POLDIP2: variants seen among roughly 807,000 people sequenced by gnomAD.
The protein encoded by POLDIP2 is DNA polymerase delta interacting protein 2.
Under a neutral mutation model 52.9 loss-of-function variants are expected in POLDIP2, and 32 were observed. That is an observed-to-expected ratio of 0.61 (90% CI 0.46 to 0.81). The LOEUF (loss-of-function observed/expected upper bound fraction) is 0.81. Ranked by LOEUF, POLDIP2 falls within the 40% of genes least tolerant of loss-of-function variation. The pLI is 0.00. For missense variants in POLDIP2, 371 were observed against 477.3 expected (o/e 0.78, Z 2.07); for synonymous variants, 183 against 183.0 (o/e 1.00, Z 0.00).
intron 2 of POLDIP2, among the ~76,000 whole-genome samples, chr17:28,355,143 T>G (rs933873031): frequency 3.3e-5 from 5 of 152,210 alleles, no homozygotes; most frequent in African/African-American, 1.2e-4. Context: ...TATACTTTTC[T>G]GAAAGCTCCC....
In POLDIP2 at chr17:28,350,777, G is replaced by A; in HGVS notation, c.775C>T (p.His259Tyr). ...YMGMREAQNS[H>Y]VYWWRYCIRL... ...ACAGTGACACTCACCCAGTACACGT[G>A]GGAATTCTGGGCTTCCTAGGGAGAA... Residue 259 changes from histidine (H) to tyrosine (Y), a missense_variant, in exon 8 of 11, where the codon CAC becomes TAC. Coordinates refer to ENST00000540200, the MANE Select transcript of POLDIP2 (RefSeq NM_015584.5). 6.3e-7 allele frequency: 1 copy of A among 1,594,062 alleles called. No individual in the cohort carries two copies.
chr17:28,353,821 AC>A, intron 3 of POLDIP2, 30 bp from the exon 4 acceptor site: 1 of 1,435,990 alleles, frequency 7.0e-7, no homozygotes, highest in Non-Finnish European at 9.8e-7. Context: ...GGCCAAGATC[AC>A]CCCAGGAGAA....
At chr17:28,351,051 A>G (rs199635094) in intron 7 of POLDIP2, among the ~76,000 whole-genome samples, 3 of 152,202 alleles carry the variant, frequency 2.0e-5, no homozygotes, top group East Asian at 1.9e-4. Flanking sequence ...GAAATCAGTT[A>G]CAGGGCTCTT....
intron 1 of POLDIP2, among the ~76,000 whole-genome samples, chr17:28,356,452 T>C (rs1402620035): frequency 6.6e-6 from 1 of 152,156 alleles, no homozygotes; most frequent in African/African-American, 2.4e-5. Context: ...TGTATTATAA[T>C]TCCATGTCCA....
chr17:28,353,713 A>G lies in POLDIP2; in HGVS notation c.420T>C (p.Ala140=), dbSNP rs564958680. 1,541 of 1,612,236 alleles carry G rather than the reference A, an allele frequency of 9.6e-4. 18 individuals are homozygous for G. The South Asian group carries it at 0.015, about 16-fold the overall frequency. The change falls in exon 4 of 11, where the codon GCT becomes GCC. Residue 140 remains alanine (A), a synonymous_variant. Transcript: ENST00000540200. ...TACTTACTATATGTGGGCAGTCACG[A>G]GCATCAATCAGCACCTGATAGTAAG... is the stretch of plus-strand genomic sequence containing the variant. ...THTYYQVLID[A]RDCPHISQRS...
intron 7 of POLDIP2, among the ~76,000 whole-genome samples, chr17:28,351,299 A>G (rs1907785503): frequency 6.6e-6 from 1 of 152,220 alleles, no homozygotes; most frequent in East Asian, 1.9e-4. Context: ...GGCGGCCCCT[A>G]CCACTGCACA....
intron 6 of POLDIP2, among the ~76,000 whole-genome samples, chr17:28,352,233 A>ATTTTTTTTTTTTTT (rs1555580125): frequency 1.1e-4 from 5 of 44,282 alleles, no homozygotes; most frequent in South Asian, 7.8e-4. Flanking sequence ...CGTTGGAATT[A>ATTTTTTTTTTTTTT]TTTCTTTTTT....
intron 1 of POLDIP2, among the ~76,000 whole-genome samples, chr17:28,356,537 G>A (rs1030417426): frequency 6.6e-6 from 1 of 151,984 alleles, no homozygotes; most frequent in Admixed American, 6.5e-5. Context: ...ACGGCACATC[G>A]CTCTCTCAAT....
intron 8 of POLDIP2, 84 bp downstream of exon 8, chr17:28,350,682 C>T (rs943094264): frequency 6.4e-6 from 10 of 1,554,142 alleles, no homozygotes; most frequent in African/African-American, 4.1e-5. Flanking sequence ...GTTCCGCTCT[C>T]GTCAGAAGGT....
At chr17:28,355,988 G>A in intron 1 of POLDIP2, 112 bp from the exon 2 acceptor site, 1 of 769,914 alleles carries the variant, frequency 1.3e-6, no homozygotes, top group Non-Finnish European at 2.2e-6. Flanking sequence ...CAGCAGAGAA[G>A]GGTTTGGGGT....
At chr17:28,356,007 C>T in intron 1 of POLDIP2, 131 bp from the exon 2 acceptor site, 1 of 664,256 alleles carries the variant, frequency 1.5e-6, no homozygotes, top group Non-Finnish European at 2.7e-6. Context: ...GTAGTGGGAC[C>T]AGCTGGAGCA....
rs370217239 is a variant in POLDIP2 at position 28,355,858 on chromosome 17, T to G, written c.180A>C (p.Lys60Asn). The stretch of plus-strand genomic sequence containing the variant: ...CAAACACACCAACTGTCTCCAACAC[T>G]TTGCCCTCTGGTCGGTTTCTGAGTA... ...HLSSRNRPEG[K>N]VLETVGVFEV... Residue 60 changes from lysine to asparagine, a missense_variant, in exon 2 of 11, where the codon AAA becomes AAC. Coordinates refer to ENST00000540200, the MANE Select transcript of POLDIP2 (RefSeq NM_015584.5). The G allele has an allele frequency of 6.2e-7, 1 of 1,612,860 alleles. No homozygotes were observed. The highest frequency in any genetic ancestry group is 8.5e-7 in the Non-Finnish European group (1 of 1,179,466).
At position 28,349,088 on chromosome 17, in the gene POLDIP2, G is replaced by A. The variant is rs782049469; in HGVS notation, c.987C>T (p.His329=). The change falls in exon 10 of 11, where the codon CAC becomes CAT. Residue 329 remains histidine, a synonymous_variant. Coordinates refer to ENST00000540200, the MANE Select transcript of POLDIP2 (RefSeq NM_015584.5). ...TGCTGTGCACACTCACTCACCACATGTGCCCACTGGAAGCCTGCAGCGAGA... is the reference window on the plus strand; with the variant it reads ...TGCTGTGCACACTCACTCACCACATATGCCCACTGGAAGCCTGCAGCGAGA... The part of the protein sequence containing the change: ...SHVSLQASSG[H]MWGTFRFERP... 2 of 1,611,120 alleles carry A rather than the reference G, an allele frequency of 1.2e-6. No homozygotes were observed. Among genetic ancestry groups the A allele is most frequent in the East Asian group, 4.5e-5 (2 of 44,816 alleles).
intron 1 of POLDIP2, among the ~76,000 whole-genome samples, chr17:28,356,432 A>T (rs1450574736): frequency 6.6e-6 from 1 of 152,094 alleles, no homozygotes; most frequent in Non-Finnish European, 1.5e-5. Context: ...TGCTCAAAAA[A>T]TATTTGTCCT....
chr17:28,351,970 G>T (rs1555580059), intron 6 of POLDIP2, among the ~76,000 whole-genome samples, 170 bp from the exon 7 acceptor site: 1 of 152,168 alleles, frequency 6.6e-6, no homozygotes, highest in African/African-American at 2.4e-5. Flanking sequence ...CTGGAAGAAG[G>T]CACAGGACTG....
rs1555580597 is a variant in POLDIP2, at chr17:28,354,573, T to C, written c.256A>G (p.Ser86Gly). The change falls in exon 3 of 11, where the codon AGC (serine) becomes GGC (glycine). Residue 86 changes from serine (S) to glycine (G), a missense_variant. Coordinates refer to ENST00000540200, the MANE Select transcript of POLDIP2 (RefSeq NM_015584.5). Reference sequence around the variant, plus strand: ...ACGACACCTCGGTAGCCAAAAATGCTATGAAGGAAAAGCTGGAAGGAAAGA... The same window carrying C: ...ACGACACCTCGGTAGCCAAAAATGCCATGAAGGAAAAGCTGGAAGGAAAGA... ...KYETGQLFLHSIFGYRGVVLF... is the reference protein window; with the variant it reads ...KYETGQLFLHGIFGYRGVVLF... The C allele has an allele frequency of 1.3e-6, 2 of 1,557,582 alleles. No homozygotes were observed. The highest frequency in any genetic ancestry group is 2.4e-5 in the East Asian group (1 of 41,408).
chr17:28,350,813 A>AT (rs1555579846), intron 7 of POLDIP2, 21 bp from the exon 8 acceptor site: 3 of 1,571,766 alleles, frequency 1.9e-6, no homozygotes, highest in African/African-American at 2.7e-5. Context: ...AACAAAAAGA[A>AT]TTTAAGTCCC....
chr17:28,353,519 T>C (rs1907895851), intron 4 of POLDIP2, among the ~76,000 whole-genome samples, 176 bp downstream of exon 4: 2 of 1,794 alleles, frequency 1.1e-3, no homozygotes, highest in African/African-American at 0.011. Context: ...AGACTCCATA[T>C]CAAAAAAAAA....
At chr17:28,348,647 G>A (rs1376974327) in intron 10 of POLDIP2, among the ~76,000 whole-genome samples, 1 of 152,210 alleles carries the variant, frequency 6.6e-6, no homozygotes, top group Non-Finnish European at 1.5e-5. Flanking sequence ...GGGAGGCGGA[G>A]GTTGCAGTGA....
Sources: allele counts gnomAD v4.1 joint callset (sites outside exome capture counted in the v4.1 genomes callset), GRCh38; gene constraint gnomAD v4.1.1; transcripts MANE v1.5; gene names NCBI Gene and HGNC (gene_info 2026-07-23, HGNC 2026-07-21).